Variants in IGSF21 observed in about 807,000 individuals in gnomAD.
The protein encoded by IGSF21 is immunoglobin superfamily member 21.
A neutral mutation model predicts 46.8 loss-of-function variants in IGSF21; 28 were observed. That is an observed-to-expected ratio of 0.60 (90% CI 0.44 to 0.82). IGSF21 has a LOEUF of 0.82. Ranked by LOEUF, IGSF21 falls within the 40% of genes least tolerant of loss-of-function variation. IGSF21 has a pLI of 0.00. For missense variants in IGSF21, 624 were observed against 665.5 expected (o/e 0.94, Z 0.69); for synonymous variants, 284 against 273.6 (o/e 1.04, Z -0.38).
intron 1 of IGSF21, 66 bp from the exon 2 acceptor site, chr1:18,227,832 C>T (rs2124506543): frequency 1.7e-6 from 2 of 1,153,812 alleles, no homozygotes; most frequent in Admixed American, 1.7e-5. Context: ...CCTGGCCCTG[C>T]CCTCATCAGC....
At position 18,365,089 on chromosome 1, in the gene IGSF21, G is replaced by C; in HGVS notation, c.541-134G>C. ...TTGGGGGTGTTGAAGGGAAAAGAGTGGGGTGAGGGCTACTGTCTAGACTAC... is the reference window on the plus strand; with the variant it reads ...TTGGGGGTGTTGAAGGGAAAAGAGTCGGGTGAGGGCTACTGTCTAGACTAC... On this transcript the variant is annotated intron_variant, in intron 5 of 9. Coordinates refer to ENST00000251296, the MANE Select transcript of IGSF21 (RefSeq NM_032880.5). This position sits in a 1 kb window ranked among gnomAD's most constrained non-coding sequence, Gnocchi z 4.8. 1.5e-6 allele frequency: 1 copy of C among 672,792 alleles called. No homozygotes were observed. Among genetic ancestry groups the C allele is most frequent in the East Asian group, 2.6e-5 (1 of 38,472 alleles). The allele number at this position is 672,792 out of a possible 1,614,324, so 41.7% of individuals were successfully genotyped here.
At position 18,120,031 on chromosome 1, in the gene IGSF21, C is replaced by G. The variant is rs530777917; in HGVS notation, c.70+11833C>G. Among the ~76,000 whole-genome samples the G allele has an allele frequency of 2.6e-5, 4 of 152,312 alleles. No homozygotes were observed. The East Asian group carries it at 7.7e-4, about 29-fold the overall frequency. The stretch of plus-strand genomic sequence containing the variant: ...CCACATGGGCTTCTGGAGGCACCAC[C>G]ATTTCTATGTTCTGTGATCCGGGGA... On this transcript the variant is annotated intron_variant, in intron 1 of 9. Coordinates refer to ENST00000251296, the MANE Select transcript of IGSF21 (RefSeq NM_032880.5).
At chr1:18,324,121 C>T (rs1052819787) in intron 3 of IGSF21, among the ~76,000 whole-genome samples, 2 of 152,136 alleles carry the variant, frequency 1.3e-5, no homozygotes, top group Non-Finnish European at 2.9e-5. Flanking sequence ...TAAGAATGGC[C>T]GGGCTCCTGA....
intron 1 of IGSF21, among the ~76,000 whole-genome samples, chr1:18,199,676 C>T (rs2087048269): frequency 6.6e-6 from 1 of 152,134 alleles, no homozygotes. Context: ...AGCCCCCCTC[C>T]CCCTTCCCTG....
At chr1:18,313,171 G>A (rs1006672086) in intron 3 of IGSF21, among the ~76,000 whole-genome samples, 1 of 152,208 alleles carries the variant, frequency 6.6e-6, no homozygotes. Context: ...GAGGACCGCC[G>A]GGAGGAAGGT....
At chr1:18,369,589 G>A (rs907891973) in intron 6 of IGSF21, among the ~76,000 whole-genome samples, 2 of 152,178 alleles carry the variant, frequency 1.3e-5, no homozygotes, top group Admixed American at 6.5e-5. Flanking sequence ...CCAAAGAGTC[G>A]TGAGTGTATG....
At chr1:18,199,528 C>T (rs754308432) in intron 1 of IGSF21, among the ~76,000 whole-genome samples, 2 of 152,154 alleles carry the variant, frequency 1.3e-5, no homozygotes, top group South Asian at 2.1e-4. Context: ...TCCAGGCATC[C>T]GACTCCACAG....
intron 2 of IGSF21, among the ~76,000 whole-genome samples, chr1:18,241,758 A>G (rs2084730751): frequency 6.6e-6 from 1 of 152,176 alleles, no homozygotes; most frequent in Admixed American, 6.5e-5. Flanking sequence ...TAGGTATGTT[A>G]CAAAGATCAC....
Position 18,108,056 on chromosome 1 carries a change from C to A in IGSF21, c.-73C>A. 1.5e-6 allele frequency: 1 copy of A among 665,362 alleles called. No individual in the cohort carries two copies. Among genetic ancestry groups the A allele is most frequent in the Non-Finnish European group, 2.2e-6 (1 of 450,784 alleles). 41.2% of individuals were successfully genotyped at this position (665,362 alleles called of 1,614,324 possible). The stretch of plus-strand genomic sequence containing the variant: ...GGCCGGAGGCAGGAGCGCGTCTGAG[C>A]CCATGGCGAGGGGACCCGCCGCCAC... On this transcript the variant is annotated 5_prime_UTR_variant, in exon 1 of 10. Transcript: ENST00000251296.
intron 1 of IGSF21, among the ~76,000 whole-genome samples, chr1:18,134,221 C>T (rs957567732): frequency 1.3e-5 from 2 of 152,154 alleles, no homozygotes; most frequent in Non-Finnish European, 2.9e-5. Context: ...CCTCTGTGGC[C>T]TTCCCATTAC....
chr1:18,344,931 C>T (rs570006619), intron 4 of IGSF21, among the ~76,000 whole-genome samples: 88 of 152,286 alleles, frequency 5.8e-4, no homozygotes, highest in African/African-American at 1.6e-3. Flanking sequence ...ACAGGGGAAG[C>T]GAGGAGGCTG....
chr1:18,260,473 A>G lies in IGSF21; in HGVS notation c.184-31393A>G, dbSNP rs1464957040. 2.0e-5 allele frequency among the ~76,000 whole-genome samples: 3 copies of G among 152,344 alleles called. No homozygotes were observed. The East Asian group carries it at 5.8e-4, about 29-fold the overall frequency. ...GCAGTGCGCAGCAGCCGCTGAGGGA[A>G]TGCTCCTTGCAGAGCAGGGCTACCC... On this transcript the variant is annotated intron_variant, in intron 2 of 9. Coordinates refer to ENST00000251296, the MANE Select transcript of IGSF21 (RefSeq NM_032880.5).
In IGSF21 at chr1:18,207,417, G is replaced by A. The variant is rs138264455; in HGVS notation, c.71-20481G>A. 4.0e-4 allele frequency among the ~76,000 whole-genome samples: 61 copies of A among 152,280 alleles called. No individual in the cohort carries two copies. The East Asian group carries it at 9.8e-3, about 25-fold the overall frequency. On this transcript the variant is annotated intron_variant, in intron 1 of 9. Coordinates refer to ENST00000251296, the MANE Select transcript of IGSF21 (RefSeq NM_032880.5). ...ATGCAGAACCTTAGGGAAGGGGATC[G>A]TTTTTAGAATTCTGCCCACCTCATG... is the stretch of plus-strand genomic sequence containing the variant.
chr1:18,311,127 T>C (rs2085484411), intron 3 of IGSF21, among the ~76,000 whole-genome samples: 2 of 152,086 alleles, frequency 1.3e-5, no homozygotes, highest in Non-Finnish European at 2.9e-5. Context: ...GCCTAACAGT[T>C]TCAAAGAACA....
chr1:18,361,529 C>G (rs1000790944), intron 4 of IGSF21: 1 of 152,794 alleles, frequency 6.5e-6, no homozygotes, highest in African/African-American at 2.4e-5. Context: ...TGCCCAGCCC[C>G]GCTGGGCACC....
intron 4 of IGSF21, chr1:18,361,778 T>TAA (rs2086103389): frequency 1.4e-5 from 3 of 210,190 alleles, no homozygotes. Context: ...CAGCAGCGTC[T>TAA]GCCCAGAACT....
chr1:18,195,780 C>T (rs2087000808), intron 1 of IGSF21, among the ~76,000 whole-genome samples: 1 of 152,210 alleles, frequency 6.6e-6, no homozygotes, highest in South Asian at 2.1e-4. Flanking sequence ...AAGCAGAAAA[C>T]ACAGACCGGA....
At chr1:18,183,906 G>A (rs2086879570) in intron 1 of IGSF21, among the ~76,000 whole-genome samples, 1 of 152,122 alleles carries the variant, frequency 6.6e-6, no homozygotes, top group South Asian at 2.1e-4. Context: ...CATCCCATTG[G>A]CTAAAGCAAG....
At chr1:18,232,273 A>G (rs765421869) in intron 2 of IGSF21, among the ~76,000 whole-genome samples, 3 of 142,738 alleles carry the variant, frequency 2.1e-5, no homozygotes. Flanking sequence ...CTGTCAGCTA[A>G]TAACTAATCT....
Sources: allele counts gnomAD v4.1 joint callset (sites outside exome capture counted in the v4.1 genomes callset), GRCh38; gene constraint gnomAD v4.1.1; non-coding constraint Gnocchi (gnomAD v3.1); transcripts MANE v1.5; gene names NCBI Gene and HGNC (gene_info 2026-07-23, HGNC 2026-07-21).